Variants in C1orf87 observed in about 807,000 individuals in gnomAD.
C1orf87 encodes uncharacterized protein C1orf87.
In C1orf87, 58 loss-of-function variants were observed where a neutral mutation model predicts 60.5. The ratio of observed to expected loss-of-function variants is 0.96; its 90% CI spans 0.78 to 1.19. C1orf87 has a LOEUF of 1.19. Among genes scored for constraint, C1orf87 ranks in the 50% most tolerant of loss-of-function variants. C1orf87 has a pLI of 0.00. For missense variants in C1orf87, 673 were observed against 638.6 expected (o/e 1.05, Z -0.58); for synonymous variants, 236 against 227.4 (o/e 1.04, Z -0.34).
intron 5 of C1orf87, among the ~76,000 whole-genome samples, chr1:60,039,075 G>A (rs1164051419): frequency 6.6e-6 from 1 of 152,102 alleles, no homozygotes; most frequent in Non-Finnish European, 1.5e-5. Context: ...TAAATCCTGA[G>A]ACTAAACTTG....
intron 8 of C1orf87, among the ~76,000 whole-genome samples, chr1:60,021,469 C>A (rs1274120865): frequency 6.6e-6 from 1 of 152,136 alleles, no homozygotes; most frequent in African/African-American, 2.4e-5. Flanking sequence ...TAAGGAAGGC[C>A]TTCTTCAAGT....
intron 2 of C1orf87, among the ~76,000 whole-genome samples, chr1:60,057,414 G>A (rs1645464931): frequency 6.6e-6 from 1 of 152,128 alleles, no homozygotes; most frequent in Non-Finnish European, 1.5e-5. Flanking sequence ...GAAAGATGGG[G>A]TGATGATTGA....
intron 2 of C1orf87, among the ~76,000 whole-genome samples, chr1:60,070,693 T>C (rs553697981): frequency 1.3e-5 from 2 of 152,310 alleles, no homozygotes; most frequent in Non-Finnish European, 2.9e-5. Flanking sequence ...ATACCAATTG[T>C]TGTACTATAA....
chr1:60,072,420 T>G (rs1163986857), intron 2 of C1orf87, 117 bp downstream of exon 2: 4 of 713,830 alleles, frequency 5.6e-6, no homozygotes, highest in Non-Finnish European at 9.1e-6. Context: ...TGTTGCATCT[T>G]AATGACTTCG....
chr1:60,054,561 T>G (rs1288019736), intron 3 of C1orf87, among the ~76,000 whole-genome samples: 1 of 152,240 alleles, frequency 6.6e-6, no homozygotes, highest in Non-Finnish European at 1.5e-5. Context: ...TATGTATCTG[T>G]TTAATTGCAA....
chr1:59,993,220 T>TTAAA (rs918756127), intron 11 of C1orf87, among the ~76,000 whole-genome samples: 7 of 150,808 alleles, frequency 4.6e-5, no homozygotes, highest in African/African-American at 1.7e-4. Flanking sequence ...GGCCCCTGTC[T>TTAAA]TAAATAAATA....
chr1:60,044,973 G>T (rs544668678), intron 3 of C1orf87, among the ~76,000 whole-genome samples: 1 of 152,310 alleles, frequency 6.6e-6, no homozygotes, highest in East Asian at 1.9e-4. Flanking sequence ...TCTTCTGGGG[G>T]TGTTGGAACT....
intron 2 of C1orf87, among the ~76,000 whole-genome samples, chr1:60,062,329 G>T (rs1217480272): frequency 6.6e-6 from 1 of 152,030 alleles, no homozygotes; most frequent in Non-Finnish European, 1.5e-5. Context: ...ACACATTTTT[G>T]TGTAAATCTT....
At chr1:60,047,540 G>A (rs970787939) in intron 3 of C1orf87, among the ~76,000 whole-genome samples, 8 of 152,258 alleles carry the variant, frequency 5.3e-5, no homozygotes, top group African/African-American at 1.9e-4. Context: ...ACATAATGCA[G>A]ATGCAAGGCT....
At chr1:60,021,401 A>G (rs1645162405) in intron 8 of C1orf87, among the ~76,000 whole-genome samples, 1 of 152,218 alleles carries the variant, frequency 6.6e-6, no homozygotes, top group South Asian at 2.1e-4. Context: ...TTAGCAAATA[A>G]AATGACTGGG....
chr1:60,060,692 C>G (rs1645490787), intron 2 of C1orf87, among the ~76,000 whole-genome samples: 1 of 151,994 alleles, frequency 6.6e-6, no homozygotes, highest in Non-Finnish European at 1.5e-5. Flanking sequence ...AATCACCCCC[C>G]CTTTAAAAAA....
At chr1:60,042,785 C>T (rs1645336027) in intron 3 of C1orf87, among the ~76,000 whole-genome samples, 1 of 152,212 alleles carries the variant, frequency 6.6e-6, no homozygotes, top group South Asian at 2.1e-4. Flanking sequence ...GGGCCAGGCA[C>T]TGTCATAAGC....
At chr1:60,001,217 A>T in intron 9 of C1orf87, 61 bp from the exon 10 acceptor site, 1 of 1,186,618 alleles carries the variant, frequency 8.4e-7, no homozygotes, top group Non-Finnish European at 1.1e-6. Flanking sequence ...TTTAACACAC[A>T]CATATACACA....
chr1:60,063,501 A>G (rs929321227), intron 2 of C1orf87, among the ~76,000 whole-genome samples: 1 of 152,174 alleles, frequency 6.6e-6, no homozygotes. Flanking sequence ...TTCCCATTCT[A>G]CATGGAACAA....
rs576916020 is a variant in C1orf87, at chr1:60,009,708, A to T, written c.1192+684T>A. ...AGGGCAATCAGTAAATGGTTGATGG[A>T]TATAGTAAATAGAAAAACTACAACA... is the stretch of plus-strand genomic sequence containing the variant. On this transcript the variant is annotated intron_variant, in intron 9 of 11. Coordinates refer to ENST00000371201, the MANE Select transcript of C1orf87 (RefSeq NM_152377.3). Among the ~76,000 whole-genome samples, 5 of 152,154 alleles carry T rather than the reference A, an allele frequency of 3.3e-5. No homozygotes were observed. In the South Asian group the frequency reaches 1.0e-3, roughly 32 times the overall value.
At chr1:60,071,312 T>C (rs1645582803) in intron 2 of C1orf87, among the ~76,000 whole-genome samples, 1 of 152,214 alleles carries the variant, frequency 6.6e-6, no homozygotes, top group Non-Finnish European at 1.5e-5. Flanking sequence ...ATCCTCACAA[T>C]AACCCTATTA....
intron 2 of C1orf87, among the ~76,000 whole-genome samples, chr1:60,072,282 G>C (rs566332672): frequency 6.6e-6 from 1 of 152,080 alleles, no homozygotes; most frequent in African/African-American, 2.4e-5. Flanking sequence ...TATAAATGTC[G>C]CAATGCTCAT....
At position 60,017,556 on chromosome 1, in the gene C1orf87, C is replaced by T. The variant is rs185393922; in HGVS notation, c.1128-7100G>A. Among the ~76,000 whole-genome samples the T allele has an allele frequency of 8.1e-4, 124 of 152,284 alleles. 1 individual carries two copies. The highest frequency in any genetic ancestry group is 3.4e-3 in the Middle Eastern group (1 of 294). On this transcript the variant is annotated intron_variant, in intron 8 of 11. Coordinates refer to ENST00000371201, the MANE Select transcript of C1orf87 (RefSeq NM_152377.3). Reference sequence around the variant, plus strand: ...GCATGTGTTTTAAACTGGTTTGAAGCATTTAATTTTGCCAATACAATTTTA... The same window carrying T: ...GCATGTGTTTTAAACTGGTTTGAAGTATTTAATTTTGCCAATACAATTTTA...
intron 2 of C1orf87, among the ~76,000 whole-genome samples, chr1:60,062,490 G>C (rs935191832): frequency 6.6e-6 from 1 of 152,168 alleles, no homozygotes; most frequent in Non-Finnish European, 1.5e-5. Flanking sequence ...CTAAACACCT[G>C]CCAGCACTGG....
Sources: allele counts gnomAD v4.1 joint callset (sites outside exome capture counted in the v4.1 genomes callset), GRCh38; gene constraint gnomAD v4.1.1; transcripts MANE v1.5; gene names NCBI Gene and HGNC (gene_info 2026-07-23, HGNC 2026-07-21).